YES1: variants seen among roughly 807,000 people sequenced by gnomAD.
The protein encoded by YES1 is tyrosine-protein kinase Yes.
YES1 carries 39 observed loss-of-function variants against 70.4 expected under a neutral mutation model. That is an observed-to-expected ratio of 0.55 (90% CI 0.43 to 0.72). The LOEUF (loss-of-function observed/expected upper bound fraction) is 0.72, where lower values mean the gene tolerates loss of function less well. Ranked by LOEUF, YES1 falls within the 30% of genes least tolerant of loss-of-function variation. The pLI is 0.00. For synonymous variants in YES1, 198 were observed against 218.6 expected (o/e 0.91, Z 0.83); for missense variants, 495 against 644.8 (o/e 0.77, Z 2.52).
intron 10 of YES1, among the ~76,000 whole-genome samples, chr18:735,159 A>G (rs1352500599): frequency 2.0e-5 from 3 of 148,106 alleles, no homozygotes; most frequent in Non-Finnish European, 3.0e-5. Flanking sequence ...TGTGTCTCAA[A>G]GCAAAAAAAA....
intron 1 of YES1, among the ~76,000 whole-genome samples, chr18:805,850 T>C (rs1275778809): frequency 1.3e-5 from 2 of 152,202 alleles, no homozygotes; most frequent in Non-Finnish European, 2.9e-5. Context: ...CCCCAATTTC[T>C]ACTTAATGCT....
intron 1 of YES1, among the ~76,000 whole-genome samples, chr18:798,777 T>A (rs546073764): frequency 2.4e-4 from 37 of 152,342 alleles, no homozygotes; most frequent in African/African-American, 8.7e-4. Context: ...ACACTGTCCA[T>A]TAGAATTTTA....
At chr18:798,698 C>G (rs1906665930) in intron 1 of YES1, among the ~76,000 whole-genome samples, 1 of 152,146 alleles carries the variant, frequency 6.6e-6, no homozygotes, top group South Asian at 2.1e-4. Flanking sequence ...CTCCCTCCAC[C>G]AGTGCGCTTC....
intron 10 of YES1, among the ~76,000 whole-genome samples, chr18:733,782 CAAAAAAAAAAAAA>C (rs71174280): frequency 1.7e-5 from 1 of 59,242 alleles, no homozygotes; most frequent in Non-Finnish European, 3.2e-5. Flanking sequence ...GACTCCGTCT[CAAAAAAAAAAAAA>C]AAAAAAAAAA....
intron 1 of YES1, among the ~76,000 whole-genome samples, chr18:772,466 C>A (rs1025121794): frequency 6.6e-6 from 1 of 151,856 alleles, no homozygotes; most frequent in Non-Finnish European, 1.5e-5. Context: ...GAGTCTCACT[C>A]TTGTCACCCA....
At chr18:797,830 C>G (rs1277247195) in intron 1 of YES1, among the ~76,000 whole-genome samples, 5 of 152,124 alleles carry the variant, frequency 3.3e-5, no homozygotes, top group Admixed American at 3.3e-4. Context: ...ACTGGTAGGG[C>G]CCTGGAAGTA....
intron 1 of YES1, among the ~76,000 whole-genome samples, chr18:811,426 T>C (rs1328935192): frequency 6.6e-6 from 1 of 152,054 alleles, no homozygotes; most frequent in Non-Finnish European, 1.5e-5. Flanking sequence ...CCCAATAAAG[T>C]GAAAGCTGGA....
intron 11 of YES1, among the ~76,000 whole-genome samples, chr18:725,237 C>A (rs1452559853): frequency 2.0e-5 from 3 of 151,904 alleles, no homozygotes; most frequent in Admixed American, 1.3e-4. Flanking sequence ...CAGCAAAATG[C>A]CTCCTTTTCC....
At chr18:812,438 G>A (rs1018281729), upstream of YES1, 1 of 151,938 alleles carries the variant, frequency 6.6e-6, no homozygotes, top group Non-Finnish European at 1.5e-5. Flanking sequence ...CCCGGCTCCG[G>A]GGCCCCCAGC....
At chr18:759,703 ATTTC>A (rs1220558370) in intron 1 of YES1, among the ~76,000 whole-genome samples, 10 of 151,674 alleles carry the variant, frequency 6.6e-5, no homozygotes, top group Admixed American at 1.3e-4. Flanking sequence ...CAATTTATTT[ATTTC>A]TTTTTTTCTT....
intron 1 of YES1, among the ~76,000 whole-genome samples, chr18:806,928 G>A (rs1299020108): frequency 6.6e-6 from 1 of 152,156 alleles, no homozygotes; most frequent in African/African-American, 2.4e-5. Flanking sequence ...GACAAGATAA[G>A]TCAAAGGAAT....
At chr18:807,088 G>A (rs779987386) in intron 1 of YES1, among the ~76,000 whole-genome samples, 20 of 152,090 alleles carry the variant, frequency 1.3e-4, no homozygotes, top group African/African-American at 4.6e-4. Flanking sequence ...TGGACAACAC[G>A]GTGAGACCCC....
chr18:754,944 A>G (rs2080386508), intron 2 of YES1, among the ~76,000 whole-genome samples: 1 of 152,072 alleles, frequency 6.6e-6, no homozygotes, highest in Non-Finnish European at 1.5e-5. Context: ...CCTGATACAC[A>G]GACACTGAGT....
At chr18:734,416 G>A (rs1467918241) in intron 10 of YES1, among the ~76,000 whole-genome samples, 1 of 150,272 alleles carries the variant, frequency 6.7e-6, no homozygotes, top group Non-Finnish European at 1.5e-5. Context: ...AAAATTAGCC[G>A]AGCTTGGTGG....
intron 1 of YES1, among the ~76,000 whole-genome samples, chr18:769,272 T>C (rs1234239168): frequency 3.3e-5 from 5 of 152,214 alleles, no homozygotes; most frequent in African/African-American, 1.2e-4. Context: ...GTATACAAAG[T>C]ATATTTGTAT....
intron 1 of YES1, among the ~76,000 whole-genome samples, chr18:778,244 T>C (rs1158775263): frequency 2.0e-5 from 3 of 152,242 alleles, no homozygotes; most frequent in Non-Finnish European, 4.4e-5. Flanking sequence ...TTCTTTCTAC[T>C]ACCCATACGA....
chr18:752,514 C>T (rs2080355289), intron 2 of YES1, among the ~76,000 whole-genome samples: 1 of 152,170 alleles, frequency 6.6e-6, no homozygotes, highest in African/African-American at 2.4e-5. Flanking sequence ...CTACTACAAA[C>T]TAGTGGGGCA....
chr18:745,962 C>T lies in YES1; in HGVS notation c.560G>A (p.Ser187Asn). Residue 187 changes from serine (S) to asparagine (N), a missense_variant, in exon 5 of 12, where the codon AGT (serine) becomes AAT (asparagine). Physicochemically the swap from Ser to Asn is conservative, Grantham distance 46 (BLOSUM62 1). Coordinates refer to ENST00000314574, the MANE Select transcript of YES1 (RefSeq NM_005433.4). ...AATATTCATACCTTTAGTTGTTTCA[C>T]TCTCTCTTACTAAGAAAATACCTCG... ...NQRGIFLVRE[S>N]ETTKGAYSLS... The T allele has an allele frequency of 6.2e-7, 1 of 1,612,286 alleles. No homozygotes were observed. The highest frequency in any genetic ancestry group is 8.5e-7 in the Non-Finnish European group (1 of 1,179,058).
At chr18:798,700 G>A (rs1906666070) in intron 1 of YES1, among the ~76,000 whole-genome samples, 1 of 152,126 alleles carries the variant, frequency 6.6e-6, no homozygotes, top group Non-Finnish European at 1.5e-5. Flanking sequence ...CCCTCCACCA[G>A]TGCGCTTCCT....
Sources: allele counts gnomAD v4.1 joint callset (sites outside exome capture counted in the v4.1 genomes callset), GRCh38; gene constraint gnomAD v4.1.1; transcripts MANE v1.5; gene names NCBI Gene and HGNC (gene_info 2026-07-23, HGNC 2026-07-21).